GPAT3: variants seen among roughly 807,000 people sequenced by gnomAD.
The protein encoded by GPAT3 is glycerol-3-phosphate acyltransferase 3.
A neutral mutation model predicts 58.8 loss-of-function variants in GPAT3; 53 were observed. That is an observed-to-expected ratio of 0.90 (90% confidence interval 0.72 to 1.13). The LOEUF (loss-of-function observed/expected upper bound fraction) is 1.13. Ranked by LOEUF, GPAT3 falls within the 50% of genes most tolerant of loss-of-function variation. The pLI is 0.00. For synonymous variants in GPAT3, 197 were observed against 187.4 expected (o/e 1.05, Z -0.42); for missense variants, 511 against 527.6 (o/e 0.97, Z 0.31).
At chr4:83,555,275 T>G (rs1156321017) in intron 2 of GPAT3, among the ~76,000 whole-genome samples, 1 of 152,186 alleles carries the variant, frequency 6.6e-6, no homozygotes, top group Middle Eastern at 3.2e-3. Context: ...TGGGAGCTCC[T>G]GGATAGATAG....
rs1257303160 is a variant in GPAT3, at chr4:83,581,810, T to A, written c.457T>A (p.Tyr153Asn). 2 of 1,612,470 alleles carry A rather than the reference T, an allele frequency of 1.2e-6. No homozygotes were observed. The highest frequency in any genetic ancestry group is 4.5e-5 in the East Asian group (2 of 44,832). ...MVWVLGVIVR[Y>N]CVLLPLRVTL... ...GTGGGTGCTGGGCGTCATAGTGCGCTATTGTGTCCTACTGCCTCTGAGGTA... is the reference window on the plus strand; with the variant it reads ...GTGGGTGCTGGGCGTCATAGTGCGCAATTGTGTCCTACTGCCTCTGAGGTA... Residue 153 changes from tyrosine to asparagine, a missense_variant, in exon 3 of 12, where the codon TAT becomes AAT. Coordinates refer to ENST00000264409, the MANE Select transcript of GPAT3 (RefSeq NM_032717.5).
intron 1 of GPAT3, among the ~76,000 whole-genome samples, chr4:83,538,244 T>C (rs1461112535): frequency 6.6e-6 from 1 of 152,204 alleles, no homozygotes; most frequent in Non-Finnish European, 1.5e-5. Context: ...TAGACTCTTG[T>C]TTGTGGCTAT....
At chr4:83,588,862 G>C (rs917822867) in intron 5 of GPAT3, among the ~76,000 whole-genome samples, 80 of 152,304 alleles carry the variant, frequency 5.3e-4, no homozygotes, top group African/African-American at 1.9e-3. Context: ...AGGCAGCAAA[G>C]GAAAGGAATT....
intron 1 of GPAT3, among the ~76,000 whole-genome samples, chr4:83,543,511 A>G (rs1724387683): frequency 6.6e-6 from 1 of 152,168 alleles, no homozygotes; most frequent in African/African-American, 2.4e-5. Context: ...ACAAAGTGAG[A>G]GTTGTTTTCC....
intron 11 of GPAT3, among the ~76,000 whole-genome samples, chr4:83,604,055 A>T (rs17355391): frequency 0.23 from 35,007 of 151,902 alleles, 4,792 homozygotes; most frequent in South Asian, 0.35. Context: ...TCCTTGTTTC[A>T]ATCCAGTTTT....
rs1000228285 is a variant in GPAT3, at chr4:83,605,708, A to G, written c.*941A>G. The G allele has an allele frequency of 6.6e-6, 1 of 152,254 alleles. No homozygotes were observed. The highest frequency in any genetic ancestry group is 2.4e-5 in the African/African-American group (1 of 41,338). The allele number at this position is 152,254 out of a possible 1,614,324, so 9.4% of individuals were successfully genotyped here. A position where few individuals can be genotyped will look rare whatever the true frequency, so the allele number is the denominator to read the frequency against. ...ATTATCTTTTGGAAACTGAGCCTTA[A>G]TTTTTTTTAGAGGGGGAAATAAGTT... On this transcript the variant is annotated 3_prime_UTR_variant, in exon 12 of 12. Transcript: ENST00000264409.
rs370903030 is a variant in GPAT3, at chr4:83,580,962, G to C, written c.209-600G>C. On this transcript the variant is annotated intron_variant, in intron 2 of 11. Coordinates refer to ENST00000264409, the MANE Select transcript of GPAT3 (RefSeq NM_032717.5). ...ATACAAAAAATTAGCCGACTGTGGT[G>C]GCGGGTGCCTGTAGTCCCAGCTGCT... Among the ~76,000 whole-genome samples, 29 of 152,046 alleles carry C rather than the reference G, an allele frequency of 1.9e-4. 1 individual carries two copies. In the South Asian group the frequency reaches 5.2e-3, roughly 27 times the overall value.
chr4:83,603,626 A>G (rs1727145357), intron 11 of GPAT3, among the ~76,000 whole-genome samples: 1 of 152,044 alleles, frequency 6.6e-6, no homozygotes, highest in South Asian at 2.1e-4. Context: ...CCCTGTCTCT[A>G]TTAAAAATAC....
chr4:83,598,702 G>C lies in GPAT3; in HGVS notation c.1184G>C (p.Gly395Ala). The change falls in exon 11 of 12, where the codon GGA becomes GCA. Residue 395 changes from glycine (G) to alanine (A), a missense_variant. Transcript: ENST00000264409. ...GTTAAGTCTGCTATTGCTATACAAG[G>C]AGGCCTGACTGAACTTCCCTGGTAA... Reference protein sequence around the residue: ...NRVKSAIAIQGGLTELPWDGG... With the variant: ...NRVKSAIAIQAGLTELPWDGG... 1 of 1,543,928 alleles carries C rather than the reference G, an allele frequency of 6.5e-7. No individual in the cohort carries two copies. Among genetic ancestry groups the C allele is most frequent in the Non-Finnish European group, 8.8e-7 (1 of 1,139,956 alleles).
intron 1 of GPAT3, among the ~76,000 whole-genome samples, chr4:83,542,177 A>G (rs568383495): frequency 9.2e-5 from 14 of 152,388 alleles, no homozygotes; most frequent in African/African-American, 3.1e-4. Flanking sequence ...TGTATAAAAT[A>G]TAAAATCACT....
chr4:83,595,676 T>C (rs954118720), intron 7 of GPAT3, among the ~76,000 whole-genome samples: 12 of 151,780 alleles, frequency 7.9e-5, no homozygotes, highest in Admixed American at 3.9e-4. Flanking sequence ...ATTACACTAC[T>C]GCCCTCCAGC....
chr4:83,582,786 G>GT (rs148147038), intron 3 of GPAT3, among the ~76,000 whole-genome samples: 27,682 of 150,560 alleles, frequency 0.18, 3,184 homozygotes, highest in East Asian at 0.33. Context: ...TGTTGTTGTT[G>GT]TTTTTTTTTG....
rs1240164740 is a variant in GPAT3 at position 83,587,308 on chromosome 4, T to C, written c.533T>C (p.Val178Ala). 2 of 1,613,996 alleles carry C rather than the reference T, an allele frequency of 1.2e-6. No individual in the cohort carries two copies. The highest frequency in any genetic ancestry group is 2.2e-5 in the South Asian group (2 of 91,038). Residue 178 changes from valine (V) to alanine (A), a missense_variant, in exon 4 of 12, where the codon GTT becomes GCT. Transcript: ENST00000264409. ...TTGCTGGTTATAGGAACTACACTGG[T>C]TGGGCAGCTGCCAGACAGCAGGTGA... ...ISLLVIGTTLVGQLPDSSLKN... is the reference protein window; with the variant it reads ...ISLLVIGTTLAGQLPDSSLKN...
intron 2 of GPAT3, among the ~76,000 whole-genome samples, chr4:83,559,736 C>T (rs1215444186): frequency 6.6e-6 from 1 of 152,142 alleles, no homozygotes; most frequent in African/African-American, 2.4e-5. Flanking sequence ...TGGAATTTCC[C>T]ATTTTTCTCT....
chr4:83,550,886 G>C (rs956256602), intron 2 of GPAT3, among the ~76,000 whole-genome samples: 1 of 152,196 alleles, frequency 6.6e-6, no homozygotes, highest in African/African-American at 2.4e-5. Flanking sequence ...AAACTCACTA[G>C]AGTACTGTGC....
intron 2 of GPAT3, among the ~76,000 whole-genome samples, chr4:83,579,077 T>TTC (rs1560621403): frequency 7.1e-4 from 19 of 26,882 alleles, no homozygotes; most frequent in South Asian, 1.8e-3. Flanking sequence ...TTTCTTTCTT[T>TTC]CTTCCCTTCC....
At position 83,597,504 on chromosome 4, in the gene GPAT3, G is replaced by C. The variant is rs368802958; in HGVS notation, c.985G>C (p.Val329Leu). 9.6e-6 allele frequency: 15 copies of C among 1,560,364 alleles called. No individual in the cohort carries two copies. The highest frequency in any genetic ancestry group is 1.3e-5 in the Non-Finnish European group (15 of 1,148,074). ...TGAAATTGGAGGAACCATACATCCA[G>C]TTGCAATTAAGGTAAAACAGATACC... ...SFEIGGTIHP[V>L]AIKYNPQFGD... The change falls in exon 9 of 12, where the codon GTT (valine) becomes CTT (leucine). Residue 329 changes from valine (V) to leucine (L), a missense_variant. By Grantham distance (32) the Val-to-Leu change is conservative. Coordinates refer to ENST00000264409, the MANE Select transcript of GPAT3 (RefSeq NM_032717.5).
intron 2 of GPAT3, among the ~76,000 whole-genome samples, chr4:83,561,883 T>G (rs1344437211): frequency 1.3e-5 from 2 of 151,998 alleles, no homozygotes; most frequent in Non-Finnish European, 2.9e-5. Flanking sequence ...TATCATGTTC[T>G]TTAGTACAAG....
At chr4:83,587,417 G>A in intron 4 of GPAT3, 88 bp downstream of exon 4, 2 of 1,146,212 alleles carry the variant, frequency 1.7e-6, no homozygotes, top group Non-Finnish European at 2.5e-6. Flanking sequence ...TGATTCCTAT[G>A]TATTGCATTA....
Sources: gnomAD v4.1 joint callset for allele counts (sites outside exome capture counted in the v4.1 genomes callset) on GRCh38, gnomAD v4.1.1 for gene constraint, MANE v1.5 for transcripts, NCBI Gene and HGNC (gene_info 2026-07-23, HGNC 2026-07-21) for gene names.